SLC25A25: variants seen among roughly 807,000 people sequenced by gnomAD.
SLC25A25 encodes solute carrier family 25 member 25.
In SLC25A25, 32 loss-of-function variants were observed where a neutral mutation model predicts 57.7. The observed-to-expected ratio is 0.55, with a 90% confidence interval of 0.42 to 0.74. The LOEUF (loss-of-function observed/expected upper bound fraction) is 0.74. Among genes scored for constraint, SLC25A25 ranks in the 30% least tolerant of loss-of-function variants. The probability of loss-of-function intolerance (pLI) is 0.00; values close to 1 mark genes in which losing one functional copy is unlikely to be tolerated. For synonymous variants in SLC25A25, 306 were observed against 291.2 expected, an observed-to-expected ratio of 1.05 and a Z score of -0.52; for missense variants, 556 against 701.3, an observed-to-expected ratio of 0.79 and a Z score of 2.34.
Position 128,106,538 on chromosome 9 carries a change from C to T in SLC25A25, c.1212+18C>T. 6.3e-7 allele frequency: 1 copy of T among 1,576,424 alleles called. No individual in the cohort carries two copies. Among genetic ancestry groups the T allele is most frequent in the African/African-American group, 1.3e-5 (1 of 74,136 alleles). ...TCTACGAGGTGAGGCCCAAGCTGGA[C>T]AGATTTAGAAACCTCCTCCCAGCAC... On this transcript the variant is annotated intron_variant, in intron 9 of 10. Transcript: ENST00000373069.
intron 1 of SLC25A25, among the ~76,000 whole-genome samples, chr9:128,093,039 A>G (rs1833455186): frequency 6.6e-6 from 1 of 152,242 alleles, no homozygotes; most frequent in African/African-American, 2.4e-5. Flanking sequence ...AGAGAAGAAA[A>G]GGAGATTCTG....
At chr9:128,091,571 C>G in intron 1 of SLC25A25, 1 of 1,045,100 alleles carries the variant, frequency 9.6e-7, no homozygotes, top group Non-Finnish European at 1.1e-6. Flanking sequence ...TAAAAAAAAG[C>G]CAAACGTTTG....
chr9:128,086,861 C>T (rs1039367103), intron 1 of SLC25A25, among the ~76,000 whole-genome samples: 2 of 152,162 alleles, frequency 1.3e-5, no homozygotes, highest in African/African-American at 4.8e-5. Context: ...CTGTTACACA[C>T]GTTATAAACC....
chr9:128,105,754 T>C lies in SLC25A25; in HGVS notation c.809T>C (p.Met270Thr). 6.2e-7 allele frequency: 1 copy of C among 1,613,646 alleles called. No homozygotes were observed. ...MQVHASRSNNMGIVGGFTQMI... is the reference protein window; with the variant it reads ...MQVHASRSNNTGIVGGFTQMI... ...GTCCATGCCTCCCGCAGCAACAACATGGGCATCGTTGGTGGCTTCACTCAG... is the reference window on the plus strand; with the variant it reads ...GTCCATGCCTCCCGCAGCAACAACACGGGCATCGTTGGTGGCTTCACTCAG... The change falls in exon 7 of 11, where the codon ATG becomes ACG. Residue 270 changes from methionine (M) to threonine (T), a missense_variant. Met to Thr is a moderately conservative substitution (Grantham distance 81, BLOSUM62 -1). Transcript: ENST00000373069.
At chr9:128,098,569 GCT>G in intron 1 of SLC25A25, 2 of 1,612,148 alleles carry the variant, frequency 1.2e-6, no homozygotes, top group Non-Finnish European at 1.7e-6. Flanking sequence ...CCGCCAACAT[GCT>G]CTGTCTGTGC....
chr9:128,085,820 G>A (rs1290746302), intron 1 of SLC25A25, among the ~76,000 whole-genome samples: 1 of 151,972 alleles, frequency 6.6e-6, no homozygotes, highest in African/African-American at 2.4e-5. Context: ...CATATCACGT[G>A]AATCATTTAC....
rs936764964 is a variant in SLC25A25, at chr9:128,103,964, T to C, written c.783+125T>C. On this transcript the variant is annotated intron_variant, in intron 6 of 10. Transcript: ENST00000373069. This position sits in a 1 kb window ranked among gnomAD's most constrained non-coding sequence, Gnocchi z 6.7. The stretch of plus-strand genomic sequence containing the variant: ...GCCCAAACTTTTCTAACCCAATAAA[T>C]TAGACTAGAATTATTGCTCAGACAG... 4.0e-6 allele frequency: 4 copies of C among 990,298 alleles called. No homozygotes were observed. Among genetic ancestry groups the C allele is most frequent in the Non-Finnish European group, 5.7e-6 (4 of 701,438 alleles). 61.3% of individuals were successfully genotyped at this position (990,298 alleles called of 1,614,324 possible).
intron 1 of SLC25A25, among the ~76,000 whole-genome samples, chr9:128,081,463 C>T (rs1833154399): frequency 6.6e-6 from 1 of 152,082 alleles, no homozygotes; most frequent in Non-Finnish European, 1.5e-5. Context: ...CTCACATGGA[C>T]GAATTGTGTG....
Position 128,103,926 on chromosome 9 carries a change from G to A in SLC25A25, c.783+87G>A, listed in dbSNP as rs1271751167. ...GGCTAGTTTTCCCTTTCTCTGGCTG[G>A]TGCCTGCTTTGGGCCCAAACTTTTC... On this transcript the variant is annotated intron_variant, in intron 6 of 10. Coordinates refer to ENST00000373069, the MANE Select transcript of SLC25A25 (RefSeq NM_001330988.2). This position sits in a 1 kb window ranked among gnomAD's most constrained non-coding sequence, Gnocchi z 6.7. The A allele has an allele frequency of 2.4e-5, 33 of 1,400,932 alleles. No individual in the cohort carries two copies. Among genetic ancestry groups the A allele is most frequent in the Non-Finnish European group, 3.0e-5 (32 of 1,061,088 alleles). 86.8% of individuals were successfully genotyped at this position (1,400,932 alleles called of 1,614,324 possible).
chr9:128,098,510 A>G (rs1219973946), intron 1 of SLC25A25: 1 of 1,564,918 alleles, frequency 6.4e-7, no homozygotes, highest in Non-Finnish European at 8.7e-7. Flanking sequence ...GACCGGCAGC[A>G]TTTAGGGAAC....
At chr9:128,070,724 G>C (rs1258626883) in intron 1 of SLC25A25, among the ~76,000 whole-genome samples, 1 of 151,246 alleles carries the variant, frequency 6.6e-6, no homozygotes, top group Non-Finnish European at 1.5e-5. Context: ...GGCCAAGCCG[G>C]GTGGATCACC....
intron 1 of SLC25A25, among the ~76,000 whole-genome samples, chr9:128,096,229 C>G (rs1266245154): frequency 6.6e-6 from 1 of 152,134 alleles, no homozygotes; most frequent in African/African-American, 2.4e-5. Context: ...ATAATAGAGG[C>G]TAGGCGCAGT....
At chr9:128,085,093 G>A (rs557164712) in intron 1 of SLC25A25, among the ~76,000 whole-genome samples, 56 of 152,300 alleles carry the variant, frequency 3.7e-4, no homozygotes, top group African/African-American at 1.3e-3. Flanking sequence ...ACTTTGGGAG[G>A]CCAAGGTGGG....
chr9:128,103,888 G>T lies in SLC25A25; in HGVS notation c.783+49G>T. ...CCCCTGGGGGGCCAGTTTCCACCTG[G>T]GGGATGCTGCTTGGCTAGTTTTCCC... On this transcript the variant is annotated intron_variant, in intron 6 of 10. Coordinates refer to ENST00000373069, the MANE Select transcript of SLC25A25 (RefSeq NM_001330988.2). The surrounding 1 kb of genome is among the most constrained non-coding windows in gnomAD (Gnocchi z 6.7). 1 of 1,486,222 alleles carries T rather than the reference G, an allele frequency of 6.7e-7. No homozygotes were observed. 92.1% of individuals were successfully genotyped at this position (1,486,222 alleles called of 1,614,324 possible).
Position 128,103,800 on chromosome 9 carries a change from C to G in SLC25A25, c.744C>G (p.Thr248=), listed in dbSNP as rs763022200. 1.1e-5 allele frequency: 17 copies of G among 1,612,256 alleles called. No individual in the cohort carries two copies. Among genetic ancestry groups the G allele is most frequent in the Non-Finnish European group, 1.4e-5 (17 of 1,179,114 alleles). ...GTGGGGCAGGGGCCGTATCCAGAAC[C>G]TGCACGGCCCCCCTGGACAGGCTCA... The part of the protein sequence containing the change: ...AGGGAGAVSR[T]CTAPLDRLKV... The change falls in exon 6 of 11, where the codon ACC becomes ACG. Residue 248 remains threonine, a synonymous_variant. Transcript: ENST00000373069. This position sits in a 1 kb window ranked among gnomAD's most constrained non-coding sequence, Gnocchi z 6.7.
intron 6 of SLC25A25, among the ~76,000 whole-genome samples, chr9:128,104,505 C>T (rs1481772930): frequency 6.6e-6 from 1 of 152,212 alleles, no homozygotes; most frequent in South Asian, 2.1e-4. Flanking sequence ...CTGCCCAGGG[C>T]ACCACCACAG....
intron 1 of SLC25A25, among the ~76,000 whole-genome samples, chr9:128,089,639 T>A (rs1282672548): frequency 6.6e-6 from 1 of 151,186 alleles, no homozygotes; most frequent in Non-Finnish European, 1.5e-5. Context: ...ATTGTCTTTT[T>A]TTTTTTTTTT....
chr9:128,098,740 C>G (rs184380314), intron 1 of SLC25A25: 4 of 1,612,422 alleles, frequency 2.5e-6, no homozygotes, highest in African/African-American at 2.7e-5. Flanking sequence ...GTGGGGTGAC[C>G]GCGCGGAAGG....
rs902547857 is a variant in SLC25A25, at chr9:128,101,465, C to G, written c.476+69C>G. ...AGGGAAGGCTCTGAGACTAACCCTC[C>G]GATGCCATTCCCTGGGCTGACCCTG... On this transcript the variant is annotated intron_variant, in intron 3 of 10. Coordinates refer to ENST00000373069, the MANE Select transcript of SLC25A25 (RefSeq NM_001330988.2). This position sits in a 1 kb window ranked among gnomAD's most constrained non-coding sequence, Gnocchi z 4.9. 1.3e-6 allele frequency: 2 copies of G among 1,534,870 alleles called. No individual in the cohort carries two copies. Among genetic ancestry groups the G allele is most frequent in the East Asian group, 2.3e-5 (1 of 44,154 alleles).
Sources: allele counts gnomAD v4.1 joint callset (sites outside exome capture counted in the v4.1 genomes callset), GRCh38; gene constraint gnomAD v4.1.1; non-coding constraint Gnocchi (gnomAD v3.1); transcripts MANE v1.5; gene names NCBI Gene and HGNC (gene_info 2026-07-23, HGNC 2026-07-21).